CCDC178: variants seen among roughly 807,000 people sequenced by gnomAD.
The protein encoded by CCDC178 is coiled-coil domain containing 178.
A neutral mutation model predicts 117.4 loss-of-function variants in CCDC178; 126 were observed. The ratio of observed to expected loss-of-function variants is 1.07; its 90% CI spans 0.93 to 1.24. The LOEUF is 1.24. CCDC178 is among the 50% of genes most tolerant of loss of function. The pLI is 0.00. For synonymous variants in CCDC178, 283 were observed against 313.4 expected (o/e 0.90, Z 1.02); for missense variants, 1,030 against 986.9 (o/e 1.04, Z -0.59).
At chr18:33,076,507 C>A (rs2057210240) in intron 21 of CCDC178, among the ~76,000 whole-genome samples, 1 of 152,194 alleles carries the variant, frequency 6.6e-6, no homozygotes, top group Admixed American at 6.5e-5. Context: ...TATCAGCACT[C>A]CGTATCTTCA....
At chr18:33,215,089 C>T (rs271557) in intron 19 of CCDC178, among the ~76,000 whole-genome samples, 24,452 of 151,804 alleles carry the variant, frequency 0.16, 2,746 homozygotes, top group African/African-American at 0.32. Flanking sequence ...ATTATATCCC[C>T]GACTCATGAG....
intron 15 of CCDC178, among the ~76,000 whole-genome samples, chr18:33,243,696 A>G (rs914831832): frequency 2.0e-5 from 3 of 151,934 alleles, no homozygotes; most frequent in Admixed American, 6.6e-5. Context: ...CATCTCTTTC[A>G]TAAGTGAGTA....
intron 9 of CCDC178, among the ~76,000 whole-genome samples, chr18:33,339,548 A>T (rs1390281419): frequency 6.6e-6 from 1 of 151,628 alleles, no homozygotes; most frequent in Non-Finnish European, 1.5e-5. Flanking sequence ...AGCAACAGAA[A>T]ATGGAAGAGA....
chr18:33,171,721 T>G (rs1339019871), intron 20 of CCDC178, among the ~76,000 whole-genome samples: 1 of 152,202 alleles, frequency 6.6e-6, no homozygotes, highest in African/African-American at 2.4e-5. Context: ...AGGAACAGTG[T>G]GTCTCTGCAT....
intron 20 of CCDC178, among the ~76,000 whole-genome samples, chr18:33,186,668 C>T (rs532280249): frequency 6.6e-6 from 1 of 152,092 alleles, no homozygotes; most frequent in East Asian, 1.9e-4. Flanking sequence ...AGCGCATCCT[C>T]GTGAATCTAC....
intron 9 of CCDC178, among the ~76,000 whole-genome samples, chr18:33,337,135 CT>C (rs71159820): frequency 0.42 from 57,303 of 135,250 alleles, 12,210 homozygotes; most frequent in African/African-American, 0.62. Flanking sequence ...TATTCCTAAG[CT>C]TTTTTTTTTT....
At chr18:33,198,767 C>G (rs1258985161) in intron 20 of CCDC178, among the ~76,000 whole-genome samples, 1 of 152,108 alleles carries the variant, frequency 6.6e-6, no homozygotes, top group Non-Finnish European at 1.5e-5. Flanking sequence ...CTCGCTTTCT[C>G]TCCTTGAAAA....
chr18:33,114,754 A>G (rs1334867312), intron 20 of CCDC178, among the ~76,000 whole-genome samples: 1 of 152,130 alleles, frequency 6.6e-6, no homozygotes, highest in East Asian at 1.9e-4. Flanking sequence ...AAACTCAGCA[A>G]AGGCAGAGTC....
chr18:33,308,127 C>T (rs549594036), intron 11 of CCDC178, among the ~76,000 whole-genome samples: 1 of 152,274 alleles, frequency 6.6e-6, no homozygotes, highest in South Asian at 2.1e-4. Flanking sequence ...GCACTGTGTG[C>T]CTGAAAAAGC....
At chr18:33,314,093 T>C (rs1035407967) in intron 11 of CCDC178, among the ~76,000 whole-genome samples, 15 of 143,176 alleles carry the variant, frequency 1.0e-4, no homozygotes, top group Admixed American at 6.5e-4. Context: ...CCCAGCTACT[T>C]GGGAGGCTGA....
intron 21 of CCDC178, among the ~76,000 whole-genome samples, chr18:33,002,611 A>G (rs759043255): frequency 1.3e-5 from 2 of 152,026 alleles, no homozygotes; most frequent in African/African-American, 2.4e-5. Flanking sequence ...CAACCTAACA[A>G]CGCATCTTAA....
chr18:33,234,205 T>C (rs1174748086), intron 15 of CCDC178, among the ~76,000 whole-genome samples: 3 of 152,158 alleles, frequency 2.0e-5, no homozygotes, highest in African/African-American at 7.2e-5. Flanking sequence ...AGGGGTTACT[T>C]AGCAGCCATT....
At chr18:33,367,924 C>T (rs4305157) in intron 6 of CCDC178, among the ~76,000 whole-genome samples, 16,628 of 151,932 alleles carry the variant, frequency 0.11, 3,014 homozygotes, top group African/African-American at 0.38. Flanking sequence ...TTTATTTATT[C>T]ATAAACAAAG....
At chr18:33,432,855 T>G (rs2064239946) in intron 2 of CCDC178, among the ~76,000 whole-genome samples, 1 of 152,224 alleles carries the variant, frequency 6.6e-6, no homozygotes, top group Non-Finnish European at 1.5e-5. Context: ...AGGAACTAAA[T>G]GTTGAGAACA....
At chr18:33,280,667 G>A (rs1368028029) in intron 12 of CCDC178, among the ~76,000 whole-genome samples, 16 of 152,144 alleles carry the variant, frequency 1.1e-4, no homozygotes, top group South Asian at 2.1e-4. Context: ...TGTTTATTGC[G>A]GCACTATTCA....
intron 4 of CCDC178, among the ~76,000 whole-genome samples, chr18:33,392,269 T>C (rs1389094485): frequency 6.6e-6 from 1 of 152,204 alleles, no homozygotes; most frequent in Non-Finnish European, 1.5e-5. Flanking sequence ...AAATGTCCTA[T>C]TTTCCAAGCT....
At chr18:33,328,053 A>T in intron 10 of CCDC178, 1 of 378,556 alleles carries the variant, frequency 2.6e-6, no homozygotes, top group Non-Finnish European at 5.0e-6. Flanking sequence ...ATCCATTTCC[A>T]AATCCAAGGT....
At chr18:33,213,985 T>C (rs1405058068) in intron 19 of CCDC178, among the ~76,000 whole-genome samples, 1 of 152,094 alleles carries the variant, frequency 6.6e-6, no homozygotes, top group Non-Finnish European at 1.5e-5. Context: ...AAGTAGCTTG[T>C]TGTGGGAACT....
chr18:33,333,981 T>A (rs982137707), intron 9 of CCDC178, among the ~76,000 whole-genome samples: 4 of 152,180 alleles, frequency 2.6e-5, no homozygotes, highest in African/African-American at 9.6e-5. Context: ...GTACTCTATG[T>A]AACTGCTTCA....
Sources: allele counts gnomAD v4.1 joint callset (sites outside exome capture counted in the v4.1 genomes callset), GRCh38; gene constraint gnomAD v4.1.1; transcripts MANE v1.5; gene names NCBI Gene and HGNC (gene_info 2026-07-23, HGNC 2026-07-21).